The following TBXAS1 variants were observed in gnomAD, a reference collection of about 807,000 sequenced individuals.
TBXAS1 encodes thromboxane A synthase 1, also known as thromboxane-A synthase.
A neutral mutation model predicts 60.7 loss-of-function variants in TBXAS1; 48 were observed. That is an observed-to-expected ratio of 0.79 (90% CI 0.63 to 1.01). The LOEUF (loss-of-function observed/expected upper bound fraction) is 1.01, where lower values mean the gene tolerates loss of function less well. TBXAS1 is among the 50% of genes least tolerant of loss of function. The pLI is 0.00. For missense variants in TBXAS1, 685 were observed against 686.3 expected (o/e 1.00, Z 0.02); for synonymous variants, 287 against 269.7 (o/e 1.06, Z -0.63).
rs1171449587 is a variant in TBXAS1 at position 139,886,606 on chromosome 7, C to A, written c.236+10969C>A. ...GAATCAAAACTACTGCACTTCACAA[C>A]AGAGCTACTGCAGGAAGGAAATCCA... On this transcript the variant is annotated intron_variant, in intron 3 of 12. Coordinates refer to ENST00000448866, the MANE Select transcript of TBXAS1 (RefSeq NM_001061.7). Among the ~76,000 whole-genome samples, 15 of 152,252 alleles carry A rather than the reference C, an allele frequency of 9.9e-5. No homozygotes were observed. In the South Asian group the frequency reaches 2.9e-3, roughly 29 times the overall value.
At chr7:139,874,088 G>T (rs1802033041) in intron 2 of TBXAS1, among the ~76,000 whole-genome samples, 1 of 151,742 alleles carries the variant, frequency 6.6e-6, no homozygotes, top group Admixed American at 6.6e-5. Flanking sequence ...TGTCATTGTT[G>T]TTTCTGTCTT....
intron 4 of TBXAS1, among the ~76,000 whole-genome samples, chr7:139,824,009 C>G (rs996740569): frequency 6.6e-6 from 1 of 152,238 alleles, no homozygotes; most frequent in African/African-American, 2.4e-5. Flanking sequence ...CCAGAGACGT[C>G]AGGCTTAGCA....
chr7:139,919,592 C>A (rs1362196723), intron 4 of TBXAS1, among the ~76,000 whole-genome samples: 1 of 152,218 alleles, frequency 6.6e-6, no homozygotes, highest in African/African-American at 2.4e-5. Context: ...TCATGCCTTT[C>A]ATCCCTTTCT....
At chr7:139,928,037 G>A (rs1038588071) in intron 4 of TBXAS1, among the ~76,000 whole-genome samples, 1 of 152,062 alleles carries the variant, frequency 6.6e-6, no homozygotes, top group African/African-American at 2.4e-5. Flanking sequence ...ATGTCAAATA[G>A]AAGTGTAATA....
chr7:139,979,763 T>TAATA (rs1238660424), intron 9 of TBXAS1, among the ~76,000 whole-genome samples: 4 of 128,912 alleles, frequency 3.1e-5, no homozygotes, highest in African/African-American at 8.4e-5. Context: ...ATAATAATAA[T>TAATA]AATAAATAAA....
chr7:139,867,235 C>T (rs1449233475), intron 1 of TBXAS1, among the ~76,000 whole-genome samples: 1 of 152,186 alleles, frequency 6.6e-6, no homozygotes, highest in East Asian at 1.9e-4. Flanking sequence ...GGGAATCTTT[C>T]ACCATTTCAA....
Position 139,953,425 on chromosome 7 carries a change from G to T in TBXAS1, c.508G>T (p.Ala170Ser), listed in dbSNP as rs1385819231. The change falls in exon 6 of 13, where the codon GCG becomes TCG. Residue 170 changes from alanine (A) to serine (S), a missense_variant. Ala to Ser is a moderately conservative substitution (Grantham distance 99). Transcript: ENST00000448866. ...TCTCCTGGCTCATTTAAAACGCTATGCGGAATCTGGGGACGCATTTGACAT... is the reference window on the plus strand; with the variant it reads ...TCTCCTGGCTCATTTAAAACGCTATTCGGAATCTGGGGACGCATTTGACAT... ...DLLLAHLKRY[A>S]ESGDAFDIQR... 6.2e-7 allele frequency: 1 copy of T among 1,614,180 alleles called. No homozygotes were observed. The highest frequency in any genetic ancestry group is 8.5e-7 in the Non-Finnish European group (1 of 1,180,026).
intron 1 of TBXAS1, among the ~76,000 whole-genome samples, chr7:139,831,557 G>A (rs1157760793): frequency 6.6e-6 from 1 of 152,250 alleles, no homozygotes; most frequent in Admixed American, 6.5e-5. Context: ...AAACATTGCA[G>A]CACATTAGTC....
At chr7:139,841,038 A>G (rs1363632390) in intron 1 of TBXAS1, among the ~76,000 whole-genome samples, 2 of 152,160 alleles carry the variant, frequency 1.3e-5, no homozygotes, top group Non-Finnish European at 2.9e-5. Flanking sequence ...CATACCAGCG[A>G]CCCAATGGCG....
chr7:139,985,690 C>T (rs542460511), intron 9 of TBXAS1, among the ~76,000 whole-genome samples: 1 of 152,212 alleles, frequency 6.6e-6, no homozygotes, highest in East Asian at 1.9e-4. Context: ...GGTGATTTCA[C>T]GTCTGTTGAT....
chr7:139,841,718 GA>G (rs1338257131), intron 1 of TBXAS1, among the ~76,000 whole-genome samples: 1 of 152,058 alleles, frequency 6.6e-6, no homozygotes, highest in African/African-American at 2.4e-5. Flanking sequence ...ATGAGAGTAC[GA>G]GGTATGACTA....
At chr7:139,781,647 C>T (rs1796993017) in intron 2 of TBXAS1, among the ~76,000 whole-genome samples, 1 of 151,980 alleles carries the variant, frequency 6.6e-6, no homozygotes, top group Admixed American at 6.6e-5. Flanking sequence ...GCCTGGCCAA[C>T]ATGATGAAAC....
chr7:139,793,924 T>C (rs1246098529), intron 4 of TBXAS1, among the ~76,000 whole-genome samples: 1 of 152,200 alleles, frequency 6.6e-6, no homozygotes, highest in Non-Finnish European at 1.5e-5. Flanking sequence ...GGTTTCATAT[T>C]GACTTCTTAA....
chr7:139,832,375 C>A (rs1798764730), intron 1 of TBXAS1, among the ~76,000 whole-genome samples: 1 of 150,998 alleles, frequency 6.6e-6, no homozygotes, highest in Admixed American at 6.6e-5. Context: ...AGCTCAAAGA[C>A]AAGGTCTTTG....
At chr7:139,791,098 C>T (rs758656715) in intron 4 of TBXAS1, among the ~76,000 whole-genome samples, 1 of 152,204 alleles carries the variant, frequency 6.6e-6, no homozygotes, top group South Asian at 2.1e-4. Flanking sequence ...ACCACTGTGC[C>T]TGGGCTTAGG....
intron 4 of TBXAS1, among the ~76,000 whole-genome samples, chr7:139,796,024 A>T (rs1797559096): frequency 6.6e-6 from 1 of 152,174 alleles, no homozygotes; most frequent in Non-Finnish European, 1.5e-5. Context: ...TACACAAAAA[A>T]TATGTGTCTA....
intron 11 of TBXAS1, chr7:140,016,510 C>A: frequency 4.3e-6 from 1 of 230,560 alleles, no homozygotes; most frequent in Non-Finnish European, 8.8e-6. Context: ...GATTGTATTT[C>A]AGGTCTGCAC....
intron 3 of TBXAS1, among the ~76,000 whole-genome samples, chr7:139,784,495 C>A (rs144036680): frequency 2.6e-5 from 4 of 152,292 alleles, no homozygotes; most frequent in African/African-American, 9.6e-5. Context: ...TACAGAGGGA[C>A]AAATGGCAAG....
At chr7:140,008,129 C>T (rs536877887) in intron 10 of TBXAS1, among the ~76,000 whole-genome samples, 67 of 152,328 alleles carry the variant, frequency 4.4e-4, no homozygotes, top group African/African-American at 1.6e-3. Context: ...ATACCTTTCA[C>T]CATTTTTAAA....
Sources: gnomAD v4.1 joint callset for allele counts (sites outside exome capture counted in the v4.1 genomes callset) on GRCh38, gnomAD v4.1.1 for gene constraint, MANE v1.5 for transcripts, NCBI Gene and HGNC (gene_info 2026-07-23, HGNC 2026-07-21) for gene names.